Variants in LYN observed in about 807,000 individuals in gnomAD.
LYN encodes LYN proto-oncogene, Src family tyrosine kinase.
Under a neutral mutation model 65.0 loss-of-function variants are expected in LYN, and 12 were observed. The ratio of observed to expected loss-of-function variants is 0.18; its 90% CI spans 0.12 to 0.30. The LOEUF (loss-of-function observed/expected upper bound fraction) is 0.30. LYN is among the 10% of genes least tolerant of loss of function. The pLI, the probability that LYN is intolerant of heterozygous loss-of-function variation, is 1.00. For synonymous variants in LYN, 222 were observed against 221.2 expected, an observed-to-expected ratio of 1.00 and a Z score of -0.03; for missense variants, 380 against 623.2, an observed-to-expected ratio of 0.61 and a Z score of 4.16.
intron 1 of LYN, among the ~76,000 whole-genome samples, chr8:55,919,194 CTAAT>C (rs1385974327): frequency 2.0e-5 from 3 of 151,922 alleles, no homozygotes; most frequent in Non-Finnish European, 4.4e-5. Context: ...GCTTTCAGGG[CTAAT>C]TAAAGGAAAT....
In LYN at chr8:55,990,154, G is replaced by A. The variant is rs183577914; in HGVS notation, c.1051-8192G>A. Among the ~76,000 whole-genome samples, 153 of 147,166 alleles carry A rather than the reference G, an allele frequency of 1.0e-3. No individual in the cohort carries two copies. In the East Asian group the frequency reaches 0.012, roughly 12 times the overall value. ...CTCAGGAGACTGAGGCAGGAGAATC[G>A]CTTGAACCCAGGAGGTGGAGGTTGC... On this transcript the variant is annotated intron_variant, in intron 10 of 12. Transcript: ENST00000519728.
chr8:55,943,185 T>A (rs1307025479), intron 2 of LYN, among the ~76,000 whole-genome samples: 1 of 152,194 alleles, frequency 6.6e-6, no homozygotes, highest in Admixed American at 6.5e-5. Context: ...CGAGCTTATA[T>A]CCTTTGCATA....
intron 8 of LYN, among the ~76,000 whole-genome samples, chr8:55,954,897 T>C (rs1807062593): frequency 6.6e-6 from 1 of 152,148 alleles, no homozygotes; most frequent in Non-Finnish European, 1.5e-5. Context: ...GAATGTGAAC[T>C]TCTTTGGTGA....
chr8:55,898,643 A>G (rs996004795), intron 1 of LYN, among the ~76,000 whole-genome samples: 1 of 152,226 alleles, frequency 6.6e-6, no homozygotes, highest in African/African-American at 2.4e-5. Context: ...CACTCAAAGT[A>G]TACAATTCAG....
intron 8 of LYN, among the ~76,000 whole-genome samples, chr8:55,961,870 C>T (rs1484231567): frequency 2.0e-5 from 3 of 152,046 alleles, no homozygotes; most frequent in Non-Finnish European, 4.4e-5. Context: ...CACCGTCCAC[C>T]CATCCCCTCC....
intron 10 of LYN, among the ~76,000 whole-genome samples, chr8:55,993,989 A>C (rs142413131): frequency 2.6e-5 from 4 of 152,336 alleles, no homozygotes; most frequent in African/African-American, 9.6e-5. Context: ...TGAACGCTAC[A>C]TGGCCCTGGA....
rs1229240941 is a variant in LYN, at chr8:55,879,991, C to A, written c.-118C>A. ...GCCCCTCGCCGCGCGTCCAGCGTTC[C>A]CGGCCAGCAGCCTCCCCATACGCAG... On this transcript the variant is annotated 5_prime_UTR_variant, in exon 1 of 13. Transcript: ENST00000519728. 3.5e-6 allele frequency: 1 copy of A among 281,858 alleles called. No individual in the cohort carries two copies. Among genetic ancestry groups the A allele is most frequent in the Non-Finnish European group, 7.3e-6 (1 of 136,098 alleles). The allele number at this position is 281,858 out of a possible 1,614,324, so 17.5% of individuals were successfully genotyped here.
At chr8:55,962,020 T>C (rs1459605971) in intron 8 of LYN, among the ~76,000 whole-genome samples, 2 of 152,276 alleles carry the variant, frequency 1.3e-5, no homozygotes, top group Non-Finnish European at 2.9e-5. Context: ...TTGCTGTTTT[T>C]GTACTTTGTA....
intron 9 of LYN, 59 bp downstream of exon 9, chr8:55,966,956 GT>G: frequency 6.6e-7 from 1 of 1,515,526 alleles, no homozygotes; most frequent in Non-Finnish European, 9.0e-7. Context: ...AGTAAAATGT[GT>G]AAGTGTTCAG....
intron 8 of LYN, among the ~76,000 whole-genome samples, chr8:55,961,399 A>G (rs1420956040): frequency 1.3e-5 from 2 of 152,174 alleles, no homozygotes; most frequent in Non-Finnish European, 2.9e-5. Context: ...TTAGAAACCT[A>G]TGATTTGATC....
intron 12 of LYN, among the ~76,000 whole-genome samples, chr8:56,008,134 T>TAA (rs1203644795): frequency 1.7e-5 from 2 of 115,820 alleles, no homozygotes; most frequent in African/African-American, 6.9e-5. Flanking sequence ...AAAAATAAAA[T>TAA]AAAATAAAAT....
intron 12 of LYN, among the ~76,000 whole-genome samples, chr8:56,002,195 G>A (rs912048088): frequency 5.9e-5 from 9 of 151,842 alleles, no homozygotes; most frequent in African/African-American, 1.7e-4. Context: ...CTTTGTGGGC[G>A]GATCACAAGG....
In LYN at chr8:56,013,861, C is replaced by T. The variant is rs1329549217; in HGVS notation, c.*3751C>T. The stretch of plus-strand genomic sequence containing the variant: ...CACTTCTGGCTGGTGGAAGAGAGAT[C>T]GTAGTTCTCTATTCCCTACATTTTA... On this transcript the variant is annotated 3_prime_UTR_variant, in exon 13 of 13. Coordinates refer to ENST00000519728, the MANE Select transcript of LYN (RefSeq NM_002350.4). 1.3e-5 allele frequency: 2 copies of T among 152,274 alleles called. No individual in the cohort carries two copies. The highest frequency in any genetic ancestry group is 2.9e-5 in the Non-Finnish European group (2 of 68,022). 9.4% of individuals were successfully genotyped at this position (152,274 alleles called of 1,614,324 possible).
intron 8 of LYN, among the ~76,000 whole-genome samples, chr8:55,963,208 G>C (rs1459532631): frequency 2.8e-4 from 42 of 152,254 alleles, no homozygotes; most frequent in Non-Finnish European, 7.3e-5. Flanking sequence ...ATGCAAGCAT[G>C]CATGAGCTCT....
chr8:56,002,604 A>AAAATTAAATT (rs56143558), intron 12 of LYN, among the ~76,000 whole-genome samples: 2,973 of 145,126 alleles, frequency 0.02, 119 homozygotes, highest in African/African-American at 0.073. Context: ...CTCCATCTCA[A>AAAATTAAATT]AAATTAAATT....
rs1254142605 is a variant in LYN, at chr8:55,958,767, T to A, written c.790+4783T>A. The stretch of plus-strand genomic sequence containing the variant: ...CTTAGCATGATGTCTCCAAGGTTTA[T>A]CTATGTCGTAGCATGTGTCAGAATT... On this transcript the variant is annotated intron_variant, in intron 8 of 12. Transcript: ENST00000519728. Among the ~76,000 whole-genome samples the A allele has an allele frequency of 3.9e-5, 6 of 152,370 alleles. No homozygotes were observed. In the East Asian group the frequency reaches 1.2e-3, roughly 29 times the overall value.
At chr8:55,956,038 A>G (rs1807098361) in intron 8 of LYN, among the ~76,000 whole-genome samples, 1 of 152,176 alleles carries the variant, frequency 6.6e-6, no homozygotes, top group Admixed American at 6.5e-5. Flanking sequence ...TAAACCTAGG[A>G]GTTCAGTTGC....
At chr8:55,946,353 A>G (rs1806774575) in intron 2 of LYN, 95 bp from the exon 3 acceptor site, 3 of 811,472 alleles carry the variant, frequency 3.7e-6, no homozygotes, top group African/African-American at 1.7e-5. Context: ...GCCCATCCTA[A>G]CATCTGCTAC....
chr8:55,917,862 G>A (rs1209652571), intron 1 of LYN, among the ~76,000 whole-genome samples: 1 of 152,200 alleles, frequency 6.6e-6, no homozygotes, highest in Non-Finnish European at 1.5e-5. Context: ...GTGAAGTTCT[G>A]TGTTTGTCAA....
Sources: allele counts gnomAD v4.1 joint callset (sites outside exome capture counted in the v4.1 genomes callset), GRCh38; gene constraint gnomAD v4.1.1; transcripts MANE v1.5; gene names NCBI Gene and HGNC (gene_info 2026-07-23, HGNC 2026-07-21).